The following ARGFX variants were observed in gnomAD, a reference collection of about 807,000 sequenced individuals.
ARGFX encodes arginine-fifty homeobox.
A neutral mutation model predicts 8.0 loss-of-function variants in ARGFX; 10 were observed. That is an observed-to-expected ratio of 1.25 (90% CI 0.77 to 2.12). The LOEUF is 2.12. Among genes scored for constraint, ARGFX ranks in the 30% most tolerant of loss-of-function variants. ARGFX has a pLI of 0.00. For missense variants in ARGFX, 282 were observed against 324.3 expected (o/e 0.87, Z 1.00); for synonymous variants, 116 against 117.8 (o/e 0.98, Z 0.10).
chr3:121,577,135 T>C (rs992872962), intron 3 of ARGFX, among the ~76,000 whole-genome samples: 9 of 140,264 alleles, frequency 6.4e-5, no homozygotes, highest in Non-Finnish European at 1.3e-4. Context: ...CTACTCTCTA[T>C]ATATTCATAA....
chr3:121,582,203 A>G (rs1256121544), intron 3 of ARGFX, among the ~76,000 whole-genome samples: 1 of 152,080 alleles, frequency 6.6e-6, no homozygotes, highest in Non-Finnish European at 1.5e-5. Context: ...GTGTGGGGGG[A>G]AAGTGGTTAT....
chr3:121,584,686 T>C (rs957358066), intron 3 of ARGFX, among the ~76,000 whole-genome samples: 1 of 152,182 alleles, frequency 6.6e-6, no homozygotes, highest in African/African-American at 2.4e-5. Flanking sequence ...AGGTAACTCA[T>C]GTCCTATCAG....
At chr3:121,570,495 A>G (rs1006779577) in intron 1 of ARGFX, among the ~76,000 whole-genome samples, 1 of 152,144 alleles carries the variant, frequency 6.6e-6, no homozygotes, top group South Asian at 2.1e-4. Flanking sequence ...TTCTTTTGTT[A>G]TTTCTAAAGT....
chr3:121,579,653 T>C (rs1242677092), intron 3 of ARGFX, among the ~76,000 whole-genome samples: 2 of 152,078 alleles, frequency 1.3e-5, no homozygotes, highest in Admixed American at 6.6e-5. Flanking sequence ...GGACTAAATA[T>C]CTTGTATGTT....
intron 3 of ARGFX, among the ~76,000 whole-genome samples, chr3:121,583,598 G>C (rs540771402): frequency 1.3e-5 from 2 of 151,644 alleles, no homozygotes; most frequent in East Asian, 3.9e-4. Context: ...GACAATCATG[G>C]TTCACTACAG....
At chr3:121,579,821 C>A (rs978303342) in intron 3 of ARGFX, among the ~76,000 whole-genome samples, 6 of 152,046 alleles carry the variant, frequency 3.9e-5, no homozygotes, top group African/African-American at 1.2e-4. Flanking sequence ...CATAGCGAGA[C>A]CTCGTGATCT....
At chr3:121,584,173 G>A (rs962086955) in intron 3 of ARGFX, among the ~76,000 whole-genome samples, 9 of 141,570 alleles carry the variant, frequency 6.4e-5, no homozygotes, top group South Asian at 4.3e-4. Context: ...GCAAGACCCC[G>A]TCTCTAAAAA....
intron 3 of ARGFX, among the ~76,000 whole-genome samples, chr3:121,577,226 C>CATATATATATATAT (rs71133554): frequency 1.1e-4 from 10 of 87,140 alleles, no homozygotes; most frequent in Non-Finnish European, 1.6e-4. Context: ...TCTACATGTA[C>CATATATATATATAT]ATATATATAT....
At chr3:121,580,567 AGTGTGTGTGTGTGT>A (rs143363410) in intron 3 of ARGFX, among the ~76,000 whole-genome samples, 2,371 of 128,102 alleles carry the variant, frequency 0.019, 82 homozygotes, top group African/African-American at 0.063. Flanking sequence ...TATAAAGAAA[AGTGTGTGTGTGTGT>A]GTGTGTGTGT....
At chr3:121,571,530 A>C (rs2048707950) in intron 2 of ARGFX, among the ~76,000 whole-genome samples, 2 of 150,976 alleles carry the variant, frequency 1.3e-5, no homozygotes, top group South Asian at 2.1e-4. Context: ...AAAACACTCC[A>C]TGTGCATAAA....
Position 121,588,638 on chromosome 3 carries a change from G to C in ARGFX, c.*2038G>C, listed in dbSNP as rs1164929740. Among the ~76,000 whole-genome samples the C allele has an allele frequency of 6.6e-6, 1 of 151,770 alleles. No homozygotes were observed. On this transcript the variant is annotated 3_prime_UTR_variant, in exon 5 of 5. Transcript: ENST00000334384. ...AGGACATAGAAAATGTTTTGAATAG[G>C]CCAGGCGCAGTGGCTCACACCTGTA... is the stretch of plus-strand genomic sequence containing the variant.
chr3:121,570,179 A>C (rs546467817), intron 1 of ARGFX, among the ~76,000 whole-genome samples: 1 of 152,316 alleles, frequency 6.6e-6, no homozygotes, highest in East Asian at 1.9e-4. Context: ...TTAATACTCC[A>C]CAGAACAGGA....
intron 4 of ARGFX, among the ~76,000 whole-genome samples, chr3:121,585,499 G>A (rs532101048): frequency 8.6e-5 from 13 of 152,018 alleles, no homozygotes; most frequent in Non-Finnish European, 1.5e-4. Flanking sequence ...AGCCCATGAC[G>A]TTTTTCTTTT....
chr3:121,575,897 G>C (rs141410703), intron 2 of ARGFX, among the ~76,000 whole-genome samples: 1 of 147,428 alleles, frequency 6.8e-6, no homozygotes, highest in African/African-American at 2.5e-5. Flanking sequence ...TGGGTGTTCC[G>C]GTGAGACTCT....
At position 121,586,359 on chromosome 3, in the gene ARGFX, T is replaced by C. The variant is rs765986536; in HGVS notation, c.707T>C (p.Leu236Pro). The C allele has an allele frequency of 1.2e-6, 2 of 1,614,220 alleles. No individual in the cohort carries two copies. Among genetic ancestry groups the C allele is most frequent in the Admixed American group, 1.7e-5 (1 of 60,022 alleles). ...DIFQIIELYNLPDENEISSSS... is the reference protein window; with the variant it reads ...DIFQIIELYNPPDENEISSSS... ...TTCCAAATCATAGAACTGTACAATC[T>C]TCCTGATGAGAATGAGATATCCAGC... The change falls in exon 5 of 5, where the codon CTT becomes CCT. Residue 236 changes from leucine to proline, a missense_variant. Leu to Pro is a moderately conservative substitution (Grantham distance 98). Transcript: ENST00000334384.
Position 121,587,944 on chromosome 3 carries a change from A to G in ARGFX, c.*1344A>G, listed in dbSNP as rs2048821642. 7.0e-6 allele frequency among the ~76,000 whole-genome samples: 1 copy of G among 143,600 alleles called. No individual in the cohort carries two copies. The highest frequency in any genetic ancestry group is 2.6e-5 in the African/African-American group (1 of 38,118). The allele number at this position is 143,600 out of a possible 152,430, so 94.2% of individuals were successfully genotyped here. A position where few individuals can be genotyped will look rare whatever the true frequency, so the allele number is the denominator to read the frequency against. On this transcript the variant is annotated 3_prime_UTR_variant, in exon 5 of 5. Transcript: ENST00000334384. Reference sequence around the variant, plus strand: ...GAAATTACTGTCACCACTAGTTTTAATATAGTACAATGAAAAAATAATATA... The same window carrying G: ...GAAATTACTGTCACCACTAGTTTTAGTATAGTACAATGAAAAAATAATATA...
At chr3:121,574,740 G>A (rs951693370) in intron 2 of ARGFX, among the ~76,000 whole-genome samples, 7 of 152,228 alleles carry the variant, frequency 4.6e-5, no homozygotes, top group Admixed American at 2.0e-4. Context: ...TGACCCAGGG[G>A]ATTAGGGACC....
intron 2 of ARGFX, among the ~76,000 whole-genome samples, chr3:121,576,034 ATTCT>A (rs2048733872): frequency 6.6e-6 from 1 of 152,120 alleles, no homozygotes; most frequent in South Asian, 2.1e-4. Context: ...AAATAAAGCT[ATTCT>A]TTTTTATTTT....
intron 4 of ARGFX, among the ~76,000 whole-genome samples, chr3:121,585,394 C>T (rs546284807): frequency 1.3e-5 from 2 of 152,296 alleles, no homozygotes; most frequent in South Asian, 2.1e-4. Flanking sequence ...ACAGACTCCT[C>T]GCTTAGAGTC....
Sources: gnomAD v4.1 joint callset for allele counts (sites outside exome capture counted in the v4.1 genomes callset) on GRCh38, gnomAD v4.1.1 for gene constraint, MANE v1.5 for transcripts, NCBI Gene and HGNC (gene_info 2026-07-23, HGNC 2026-07-21) for gene names.